Variants in RRBP1 observed in about 807,000 individuals in gnomAD.
RRBP1 encodes the protein ribosome-binding protein 1.
In RRBP1, 94 loss-of-function variants were observed where a neutral mutation model predicts 165.2. That is an observed-to-expected ratio of 0.57 (90% CI 0.48 to 0.68). The LOEUF (loss-of-function observed/expected upper bound fraction) is 0.68. RRBP1 is among the 30% of genes least tolerant of loss of function. RRBP1 has a pLI of 0.00. For missense variants in RRBP1, 1,676 were observed against 1,763.0 expected (o/e 0.95, Z 0.88); for synonymous variants, 680 against 714.5 (o/e 0.95, Z 0.77).
intron 2 of RRBP1, among the ~76,000 whole-genome samples, chr20:17,674,499 C>G (rs572575059): frequency 6.6e-6 from 1 of 152,140 alleles, no homozygotes; most frequent in South Asian, 2.1e-4. Flanking sequence ...CTCGGTGGCT[C>G]AAGCCTGTAA....
At chr20:17,665,101 C>T (rs2036844181) in intron 2 of RRBP1, among the ~76,000 whole-genome samples, 1 of 149,406 alleles carries the variant, frequency 6.7e-6, no homozygotes, top group Non-Finnish European at 1.5e-5. Flanking sequence ...CCTGTGTATA[C>T]ATATATATGT....
intron 3 of RRBP1, among the ~76,000 whole-genome samples, chr20:17,644,240 T>C (rs189107581): frequency 1.5e-4 from 23 of 152,274 alleles, no homozygotes; most frequent in African/African-American, 5.3e-4. Flanking sequence ...CTTCTTACCC[T>C]GGTGAGGCTC....
intron 3 of RRBP1, among the ~76,000 whole-genome samples, chr20:17,649,847 C>T (rs1179031955): frequency 6.6e-6 from 1 of 152,144 alleles, no homozygotes; most frequent in Non-Finnish European, 1.5e-5. Context: ...AGGCCCCCTC[C>T]CACCACGGCA....
chr20:17,664,139 C>A (rs1357365467), intron 2 of RRBP1, among the ~76,000 whole-genome samples: 1 of 152,172 alleles, frequency 6.6e-6, no homozygotes, highest in African/African-American at 2.4e-5. Flanking sequence ...CATCACCACT[C>A]TTGCACTTTG....
chr20:17,660,150 G>T lies in RRBP1; in HGVS notation c.358C>A (p.Pro120Thr), dbSNP rs759224112. The T allele has an allele frequency of 6.2e-7, 1 of 1,614,150 alleles. No individual in the cohort carries two copies. Among genetic ancestry groups the T allele is most frequent in the East Asian group, 2.2e-5 (1 of 44,882 alleles). ...TPVQPPIIVA[P>T]VATVPAMPQE... Reference sequence around the variant, plus strand: ...GGCATGGCTGGAACTGTGGCGACAGGAGCAACGATAATGGGGGGCTGCACT... The same window carrying T: ...GGCATGGCTGGAACTGTGGCGACAGTAGCAACGATAATGGGGGGCTGCACT... The change falls in exon 3 of 25, where the codon CCT becomes ACT. Residue 120 changes from proline to threonine, a missense_variant. Physicochemically the swap from Pro to Thr is conservative, Grantham distance 38. Coordinates refer to ENST00000377813, the MANE Select transcript of RRBP1 (RefSeq NM_001365613.2).
intron 17 of RRBP1, 164 bp downstream of exon 17, chr20:17,620,551 G>A (rs1481082513): frequency 6.2e-6 from 5 of 803,434 alleles, no homozygotes; most frequent in Non-Finnish European, 1.1e-5. Flanking sequence ...GGGGCCTCCT[G>A]GAGGACGGAC....
chr20:17,639,683 C>T (rs1433011309), intron 5 of RRBP1, among the ~76,000 whole-genome samples: 6 of 152,084 alleles, frequency 3.9e-5, no homozygotes, highest in African/African-American at 1.4e-4. Flanking sequence ...CACCTGAGGT[C>T]GGGAGTTCGA....
At chr20:17,679,601 T>C (rs2037142121) in intron 2 of RRBP1, among the ~76,000 whole-genome samples, 3 of 152,222 alleles carry the variant, frequency 2.0e-5, no homozygotes, top group Admixed American at 2.0e-4. Flanking sequence ...AATAAATCAA[T>C]ACTCCAATTC....
chr20:17,660,703 T>C (rs771132985), intron 2 of RRBP1, among the ~76,000 whole-genome samples, 175 bp from the exon 3 acceptor site: 1 of 152,160 alleles, frequency 6.6e-6, no homozygotes, highest in South Asian at 2.1e-4. Flanking sequence ...TGCTCCTCTT[T>C]AGGAGTGAGC....
chr20:17,670,843 G>A (rs551467198), intron 2 of RRBP1, among the ~76,000 whole-genome samples: 3 of 152,112 alleles, frequency 2.0e-5, no homozygotes, highest in South Asian at 2.1e-4. Context: ...TTATTTACCC[G>A]GCTTGGGTTT....
At chr20:17,632,852 G>C (rs2036178333) in intron 8 of RRBP1, among the ~76,000 whole-genome samples, 1 of 152,114 alleles carries the variant, frequency 6.6e-6, no homozygotes, top group Non-Finnish European at 1.5e-5. Flanking sequence ...TGGGGACAGG[G>C]GGACAATCTT....
In RRBP1 at chr20:17,658,793, C is replaced by G; in HGVS notation, c.1715G>C (p.Gly572Ala). 1 of 1,614,022 alleles carries G rather than the reference C, an allele frequency of 6.2e-7. No individual in the cohort carries two copies. Among genetic ancestry groups the G allele is most frequent in the Non-Finnish European group, 8.5e-7 (1 of 1,179,936 alleles). ...GITNQGKKAEGSPSEGKKAEG... is the reference protein window; with the variant it reads ...GITNQGKKAEASPSEGKKAEG... The stretch of plus-strand genomic sequence containing the variant: ...TGCCTTTTTGCCTTCACTGGGGGAC[C>G]CTTCTGCTTTTTTCCCCTGGTTTGT... Residue 572 changes from glycine to alanine, a missense_variant, in exon 3 of 25, where the codon GGG becomes GCG. Coordinates refer to ENST00000377813, the MANE Select transcript of RRBP1 (RefSeq NM_001365613.2).
chr20:17,652,496 A>G (rs2036575977), intron 3 of RRBP1, among the ~76,000 whole-genome samples: 4 of 151,904 alleles, frequency 2.6e-5, no homozygotes, highest in Admixed American at 2.6e-4. Context: ...GTGATCTAGA[A>G]CCCACTGCCA....
intron 2 of RRBP1, among the ~76,000 whole-genome samples, chr20:17,677,695 C>T (rs1360430927): frequency 1.1e-4 from 16 of 152,064 alleles, no homozygotes; most frequent in South Asian, 8.3e-4. Context: ...CAAAATTAGC[C>T]GGGTGTGGTG....
At chr20:17,625,331 C>T (rs1003815597) in intron 12 of RRBP1, among the ~76,000 whole-genome samples, 181 bp downstream of exon 12, 15 of 152,076 alleles carry the variant, frequency 9.9e-5, no homozygotes, top group African/African-American at 3.4e-4. Flanking sequence ...GGGTCTTTGG[C>T]GGAACTCAGG....
In RRBP1 at chr20:17,660,034, A is replaced by G; in HGVS notation, c.474T>C (p.Asn158=). ...KVEPAVSSVV[N]SIQVLTSKAA... Reference sequence around the variant, plus strand: ...CCTTCGAAGTGAGAACCTGGATGGAATTCACTACAGAGCTGACAGCTGGTT... The same window carrying G: ...CCTTCGAAGTGAGAACCTGGATGGAGTTCACTACAGAGCTGACAGCTGGTT... The change falls in exon 3 of 25, where the codon AAT becomes AAC. Residue 158 remains asparagine (N), a synonymous_variant. Coordinates refer to ENST00000377813, the MANE Select transcript of RRBP1 (RefSeq NM_001365613.2). 6.2e-7 allele frequency: 1 copy of G among 1,613,512 alleles called. No individual in the cohort carries two copies. Among genetic ancestry groups the G allele is most frequent in the Non-Finnish European group, 8.5e-7 (1 of 1,179,772 alleles).
intron 3 of RRBP1, among the ~76,000 whole-genome samples, chr20:17,645,393 C>G (rs143983076): frequency 6.6e-6 from 1 of 152,206 alleles, no homozygotes; most frequent in Admixed American, 6.5e-5. Context: ...TTGCAACACG[C>G]GAAACAAACG....
chr20:17,658,227 T>G (rs1296561036), intron 3 of RRBP1, among the ~76,000 whole-genome samples: 1 of 152,198 alleles, frequency 6.6e-6, no homozygotes, highest in African/African-American at 2.4e-5. Flanking sequence ...ATCTGGTCAA[T>G]GAAATGCTGA....
chr20:17,640,378 G>A (rs2036330300), intron 5 of RRBP1, among the ~76,000 whole-genome samples: 1 of 152,200 alleles, frequency 6.6e-6, no homozygotes, highest in Non-Finnish European at 1.5e-5. Flanking sequence ...GAGGAGTCAC[G>A]AAAGGGCACA....
Sources: allele counts gnomAD v4.1 joint callset (sites outside exome capture counted in the v4.1 genomes callset), GRCh38; gene constraint gnomAD v4.1.1; transcripts MANE v1.5; gene names NCBI Gene and HGNC (gene_info 2026-07-23, HGNC 2026-07-21).